Variants in TRPM3 observed in about 807,000 individuals in gnomAD.
TRPM3 encodes the protein transient receptor potential cation channel subfamily M member 3, also known as long transient receptor potential channel 3.
TRPM3 carries 77 observed loss-of-function variants against 181.2 expected under a neutral mutation model. That is an observed-to-expected ratio of 0.42 (90% CI 0.35 to 0.51). TRPM3 has a LOEUF of 0.51. Ranked by LOEUF, TRPM3 falls within the 20% of genes least tolerant of loss-of-function variation. The pLI, the probability that TRPM3 is intolerant of heterozygous loss-of-function variation, is 0.01. For missense variants in TRPM3, 1,759 were observed against 2,196.7 expected (o/e 0.80, Z 3.98); for synonymous variants, 745 against 796.4 (o/e 0.94, Z 1.09).
chr9:70,686,947 A>G (rs1411589177), intron 8 of TRPM3, among the ~76,000 whole-genome samples: 1 of 150,012 alleles, frequency 6.7e-6, no homozygotes, highest in East Asian at 2.0e-4. Flanking sequence ...CAGCCTCCTG[A>G]ATAGCTGGGG....
intron 5 of TRPM3, among the ~76,000 whole-genome samples, chr9:70,839,085 T>A (rs2094490750): frequency 6.6e-6 from 1 of 152,120 alleles, no homozygotes; most frequent in South Asian, 2.1e-4. Context: ...TTAAAAAATG[T>A]CCCCACTGTA....
intron 1 of TRPM3, among the ~76,000 whole-genome samples, chr9:71,257,457 G>C (rs1431208264): frequency 6.6e-6 from 1 of 152,116 alleles, no homozygotes; most frequent in Non-Finnish European, 1.5e-5. Context: ...TTCAGTGCTG[G>C]TACTATAAGA....
At chr9:71,437,962 T>C (rs2094071889) in intron 1 of TRPM3, among the ~76,000 whole-genome samples, 1 of 151,664 alleles carries the variant, frequency 6.6e-6, no homozygotes, top group African/African-American at 2.4e-5. Flanking sequence ...TCATCCCCAG[T>C]GGTGGCTAAT....
chr9:71,380,340 G>T (rs1285279463), intron 1 of TRPM3, among the ~76,000 whole-genome samples: 1 of 151,952 alleles, frequency 6.6e-6, no homozygotes, highest in Admixed American at 6.6e-5. Context: ...TTTAAATCTT[G>T]CCCTATGTTG....
At chr9:71,115,921 C>G (rs2072256392) in intron 1 of TRPM3, among the ~76,000 whole-genome samples, 1 of 152,174 alleles carries the variant, frequency 6.6e-6, no homozygotes, top group South Asian at 2.1e-4. Flanking sequence ...TCGAAGCCAC[C>G]ATTTGATACA....
chr9:71,146,493 T>C (rs1473362084), intron 1 of TRPM3, among the ~76,000 whole-genome samples: 2 of 152,166 alleles, frequency 1.3e-5, no homozygotes, highest in Non-Finnish European at 2.9e-5. Flanking sequence ...AAAGAATACA[T>C]TTCTTTTCTG....
At chr9:70,770,823 G>A (rs1447250725) in intron 7 of TRPM3, among the ~76,000 whole-genome samples, 1 of 152,164 alleles carries the variant, frequency 6.6e-6, no homozygotes, top group Admixed American at 6.5e-5. Flanking sequence ...AAGAACATTA[G>A]GGGCTTTTGC....
intron 1 of TRPM3, among the ~76,000 whole-genome samples, chr9:70,965,440 T>C (rs540577765): frequency 6.2e-4 from 95 of 152,192 alleles, no homozygotes; most frequent in South Asian, 1.7e-3. Context: ...TAAAATTTTA[T>C]AACAATCAAG....
chr9:71,381,307 T>C (rs1035201981), intron 1 of TRPM3, among the ~76,000 whole-genome samples: 3 of 152,060 alleles, frequency 2.0e-5, no homozygotes, highest in African/African-American at 7.2e-5. Context: ...TATCCAGGCA[T>C]AGAGTGAATA....
intron 1 of TRPM3, among the ~76,000 whole-genome samples, chr9:71,061,674 C>T (rs2061348939): frequency 6.6e-6 from 1 of 152,062 alleles, no homozygotes; most frequent in Non-Finnish European, 1.5e-5. Flanking sequence ...TGGCAGACAG[C>T]ATTTCATATG....
At chr9:70,871,393 T>G (rs1442441861) in intron 1 of TRPM3, among the ~76,000 whole-genome samples, 1 of 152,052 alleles carries the variant, frequency 6.6e-6, no homozygotes, top group Non-Finnish European at 1.5e-5. Flanking sequence ...ATGTATTTTT[T>G]TACCCGATTC....
chr9:71,217,043 C>A (rs1452370783), intron 1 of TRPM3, among the ~76,000 whole-genome samples: 3 of 145,250 alleles, frequency 2.1e-5, no homozygotes, highest in Non-Finnish European at 4.5e-5. Context: ...CTCCGCCTCC[C>A]GGGTTCACGC....
At chr9:70,796,317 G>A (rs1362969542) in intron 6 of TRPM3, among the ~76,000 whole-genome samples, 1 of 152,226 alleles carries the variant, frequency 6.6e-6, no homozygotes, top group Non-Finnish European at 1.5e-5. Context: ...CAGGAAGGTG[G>A]ATGGTTGCAG....
rs144492688 is a variant in TRPM3, at chr9:71,288,287, G to T, written c.183+158366C>A. ...GTTAGCATCTCATAATATTGTCTAC[G>T]ATAAACGCTATTTTCTGGATGTAGA... is the stretch of plus-strand genomic sequence containing the variant. On this transcript the variant is annotated intron_variant, in intron 1 of 24. Coordinates refer to the TRPM3 transcript ENST00000357533. Among the ~76,000 whole-genome samples the T allele has an allele frequency of 9.2e-4, 139 of 151,858 alleles. 1 individual carries two copies. The East Asian group carries it at 9.9e-3, about 11-fold the overall frequency.
At chr9:71,084,899 C>A (rs1035525902) in intron 1 of TRPM3, among the ~76,000 whole-genome samples, 1 of 151,924 alleles carries the variant, frequency 6.6e-6, no homozygotes, top group Non-Finnish European at 1.5e-5. Flanking sequence ...CTATAGTAAC[C>A]AAAACAGCAT....
chr9:71,039,103 C>T (rs897103677), intron 1 of TRPM3, among the ~76,000 whole-genome samples: 13 of 152,162 alleles, frequency 8.5e-5, no homozygotes, highest in African/African-American at 2.9e-4. Context: ...ATATTAATCA[C>T]CTTTTTACCC....
intron 1 of TRPM3, among the ~76,000 whole-genome samples, chr9:71,340,727 C>G (rs1188889434): frequency 1.3e-5 from 2 of 152,210 alleles, no homozygotes; most frequent in East Asian, 3.9e-4. Flanking sequence ...TTTCTTAGCT[C>G]TATCTATTGA....
intron 1 of TRPM3, among the ~76,000 whole-genome samples, chr9:70,967,006 G>T (rs2097191815): frequency 7.0e-6 from 1 of 143,174 alleles, no homozygotes; most frequent in Non-Finnish European, 1.5e-5. Context: ...CTTAGAATTG[G>T]GTAACAAAGC....
chr9:71,438,030 T>C (rs1262819113), intron 1 of TRPM3, among the ~76,000 whole-genome samples: 1 of 149,070 alleles, frequency 6.7e-6, no homozygotes, highest in African/African-American at 2.6e-5. Context: ...AAAACTCAAA[T>C]TAAAACTGAT....
Sources: allele counts gnomAD v4.1 joint callset (sites outside exome capture counted in the v4.1 genomes callset), GRCh38; gene constraint gnomAD v4.1.1; transcripts MANE v1.5; gene names NCBI Gene and HGNC (gene_info 2026-07-23, HGNC 2026-07-21).